Variants in WDFY3 observed in about 807,000 individuals in gnomAD.
WDFY3 encodes the protein WD repeat and FYVE domain-containing protein 3.
WDFY3 carries 66 observed loss-of-function variants against 409.6 expected under a neutral mutation model. The ratio of observed to expected loss-of-function variants is 0.16; its 90% CI spans 0.13 to 0.20. WDFY3 has a LOEUF of 0.20. WDFY3 is among the 10% of genes least tolerant of loss of function. WDFY3 has a pLI of 1.00. For synonymous variants in WDFY3, 1,521 were observed against 1,537.1 expected, an observed-to-expected ratio of 0.99 and a Z score of 0.25; for missense variants, 3,031 against 4,298.1, an observed-to-expected ratio of 0.71 and a Z score of 8.24.
intron 14 of WDFY3, 37 bp from the exon 15 acceptor site, chr4:84,808,454 G>C (rs767149551): frequency 1.3e-6 from 2 of 1,588,906 alleles, no homozygotes; most frequent in Admixed American, 1.7e-5. Context: ...GTTTAGAGAG[G>C]TTAGAAGAAG....
Position 84,821,066 on chromosome 4 carries a change from T to C in WDFY3, c.1591+18A>G, listed in dbSNP as rs1753987889. ...AACCCCTTTTCAAATAAAAATAAAATTACAGACAATACTTTACCTTGTTCA... is the reference window on the plus strand; with the variant it reads ...AACCCCTTTTCAAATAAAAATAAAACTACAGACAATACTTTACCTTGTTCA... On this transcript the variant is annotated intron_variant, in intron 11 of 67. Transcript: ENST00000295888. 1.3e-6 allele frequency: 2 copies of C among 1,553,454 alleles called. No homozygotes were observed. The highest frequency in any genetic ancestry group is 2.1e-5 in the Admixed American group (1 of 47,594).
At chr4:84,776,274 TA>T (rs1199527154) in intron 27 of WDFY3, among the ~76,000 whole-genome samples, 2 of 151,998 alleles carry the variant, frequency 1.3e-5, no homozygotes, top group Non-Finnish European at 2.9e-5. Flanking sequence ...AAACAATCAC[TA>T]AAAATTGTAC....
chr4:84,759,396 G>A (rs1197663689), intron 32 of WDFY3, among the ~76,000 whole-genome samples: 2 of 152,174 alleles, frequency 1.3e-5, no homozygotes, highest in African/African-American at 4.8e-5. Flanking sequence ...ACCTTGGGCA[G>A]TATGACCATT....
At chr4:84,695,004 G>A (rs2148881315) in intron 58 of WDFY3, among the ~76,000 whole-genome samples, 1 of 152,178 alleles carries the variant, frequency 6.6e-6, no homozygotes, top group African/African-American at 2.4e-5. Flanking sequence ...TCTAAAGCAG[G>A]AAAAGAGGAG....
intron 46 of WDFY3, among the ~76,000 whole-genome samples, chr4:84,722,831 A>T (rs1735059524): frequency 6.6e-6 from 1 of 152,228 alleles, no homozygotes; most frequent in Admixed American, 6.5e-5. Flanking sequence ...ATTACTTATC[A>T]GAGGTTCTGC....
At chr4:84,934,983 T>C (rs140801705) in intron 1 of WDFY3, among the ~76,000 whole-genome samples, 1 of 152,178 alleles carries the variant, frequency 6.6e-6, no homozygotes, top group Non-Finnish European at 1.5e-5. Flanking sequence ...TCCTGTCTTG[T>C]AGGATTTGGT....
At position 84,806,944 on chromosome 4, in the gene WDFY3, G is replaced by A. The variant is rs1057051204; in HGVS notation, c.2429+1390C>T. Among the ~76,000 whole-genome samples, 6 of 152,130 alleles carry A rather than the reference G, an allele frequency of 3.9e-5. No individual in the cohort carries two copies. In the East Asian group the frequency reaches 1.2e-3, roughly 29 times the overall value. ...TTTTTTAAGTATCCTTTTAATCTGT[G>A]TATTTTTATTTTGTGGCATTTGGTT... On this transcript the variant is annotated intron_variant, in intron 15 of 67. Transcript: ENST00000295888.
chr4:84,784,198 C>T lies in WDFY3; in HGVS notation c.4063-1124G>A, dbSNP rs552459523. Among the ~76,000 whole-genome samples, 5 of 152,270 alleles carry T rather than the reference C, an allele frequency of 3.3e-5. 1 individual carries two copies. The highest frequency in any genetic ancestry group is 4.1e-4 in the South Asian group (2 of 4,822). The stretch of plus-strand genomic sequence containing the variant: ...TCTCCCCAACTCCATAACACTGGAA[C>T]GTCCCAGGTTTCAGTCTTTAAAACT... On this transcript the variant is annotated intron_variant, in intron 24 of 67. Transcript: ENST00000295888.
chr4:84,810,510 A>G lies in WDFY3; in HGVS notation c.1888-166T>C. On this transcript the variant is annotated intron_variant, in intron 13 of 67. Transcript: ENST00000295888. ...GCATATCAAATAGTTTGCTAATTAA[A>G]AAAGCCACATTAAATGCTGAAGGTA... 4 of 557,688 alleles carry G rather than the reference A, an allele frequency of 7.2e-6. No homozygotes were observed. In the East Asian group the frequency reaches 1.3e-4, roughly 18 times the overall value. The allele number at this position is 557,688 out of a possible 1,614,324, so 34.5% of individuals were successfully genotyped here.
chr4:84,704,600 C>G (rs952771914), intron 54 of WDFY3, among the ~76,000 whole-genome samples, 156 bp from the exon 55 acceptor site: 4 of 152,120 alleles, frequency 2.6e-5, no homozygotes, highest in South Asian at 4.2e-4. Context: ...TTCAGGACAC[C>G]ACTACCCCTC....
chr4:84,736,057 C>G, intron 42 of WDFY3, 113 bp downstream of exon 42: 1 of 1,224,124 alleles, frequency 8.2e-7, no homozygotes, highest in East Asian at 2.6e-5. Flanking sequence ...ACTTCTATCT[C>G]TATTCTAAAG....
chr4:84,941,069 T>C (rs1772051562), intron 1 of WDFY3, among the ~76,000 whole-genome samples: 1 of 152,132 alleles, frequency 6.6e-6, no homozygotes, highest in Middle Eastern at 3.4e-3. Context: ...TCATGTTTAA[T>C]GAAGAAAGAC....
At position 84,757,153 on chromosome 4, in the gene WDFY3, C is replaced by A. The variant is rs765845395; in HGVS notation, c.5197G>T (p.Val1733Leu). The A allele has an allele frequency of 6.2e-7, 1 of 1,612,960 alleles. No individual in the cohort carries two copies. The highest frequency in any genetic ancestry group is 8.5e-7 in the Non-Finnish European group (1 of 1,179,132). The change falls in exon 33 of 68, where the codon GTG (valine) becomes TTG (leucine). Residue 1733 changes from valine (V) to leucine (L), a missense_variant. Around this residue, in one of 16 missense-constraint regions of WDFY3, gnomAD observed 342 missense variants for 463.7 expected, o/e 0.74. Transcript: ENST00000295888. ...GATCTCCCACCAGCACTTCTGCCCA[C>A]GTTGAATCCTAAGAGAAGAGGAATA... ...NKIGTVLGFN[V>L]GRSAGGRSTV...
intron 35 of WDFY3, 40 bp from the exon 36 acceptor site, chr4:84,751,756 A>C: frequency 6.2e-7 from 1 of 1,601,472 alleles, no homozygotes; most frequent in Non-Finnish European, 8.6e-7. Context: ...ATCACATTAG[A>C]CTCTGACATT....
intron 27 of WDFY3, among the ~76,000 whole-genome samples, chr4:84,776,989 T>C (rs1745663293): frequency 6.6e-6 from 1 of 152,002 alleles, no homozygotes; most frequent in Non-Finnish European, 1.5e-5. Context: ...GATATAGCAG[T>C]AGAAGCAGAA....
At chr4:84,783,862 T>TAC (rs137878462) in intron 24 of WDFY3, among the ~76,000 whole-genome samples, 24,380 of 140,772 alleles carry the variant, frequency 0.17, 2,048 homozygotes, top group South Asian at 0.31. Flanking sequence ...GTGTCATACA[T>TAC]ACACACACAC....
intron 2 of WDFY3, among the ~76,000 whole-genome samples, chr4:84,907,177 T>A (rs886112420): frequency 3.3e-5 from 5 of 152,134 alleles, no homozygotes; most frequent in Non-Finnish European, 5.9e-5. Context: ...TCTGTGTTGG[T>A]TATAAATATA....
intron 3 of WDFY3, among the ~76,000 whole-genome samples, chr4:84,880,715 A>C (rs1424089334): frequency 1.0e-5 from 1 of 95,620 alleles, no homozygotes; most frequent in African/African-American, 4.3e-5. Context: ...ATATATATAT[A>C]TATATATATA....
chr4:84,917,035 T>A (rs1042050063), intron 2 of WDFY3, among the ~76,000 whole-genome samples: 5 of 152,276 alleles, frequency 3.3e-5, no homozygotes, highest in African/African-American at 9.6e-5. Flanking sequence ...AGATACATAT[T>A]TTATATATCA....
Sources: gnomAD v4.1 joint callset for allele counts (sites outside exome capture counted in the v4.1 genomes callset) on GRCh38, gnomAD v4.1.1 for gene constraint, gnomAD v4.1.1 regional missense constraint, MANE v1.5 for transcripts, NCBI Gene and HGNC (gene_info 2026-07-23, HGNC 2026-07-21) for gene names.